The following RPL14 variants were observed in gnomAD, a reference collection of about 807,000 sequenced individuals.
The protein encoded by RPL14 is ribosomal protein L14, also known as large ribosomal subunit protein eL14.
A neutral mutation model predicts 25.3 loss-of-function variants in RPL14; 4 were observed. The ratio of observed to expected loss-of-function variants is 0.16; its 90% CI spans 0.08 to 0.36. The LOEUF is 0.36. Ranked by LOEUF, RPL14 falls within the 10% of genes least tolerant of loss-of-function variation. RPL14 has a pLI of 1.00. For synonymous variants in RPL14, 75 were observed against 89.8 expected, an observed-to-expected ratio of 0.84 and a Z score of 0.93; for missense variants, 212 against 261.9, an observed-to-expected ratio of 0.81 and a Z score of 1.31.
At chr3:40,458,285 G>A in intron 2 of RPL14, 1 of 526,560 alleles carries the variant, frequency 1.9e-6, no homozygotes, top group Non-Finnish European at 3.4e-6. Flanking sequence ...CACGTAGAAA[G>A]CACTTTTGTA....
rs540609712 is a variant in RPL14 at position 40,463,891 on chromosome 3, C to G, written c.*1659C>G. The G allele has an allele frequency of 1.3e-5, 2 of 153,336 alleles. No homozygotes were observed. The highest frequency in any genetic ancestry group is 1.3e-4 in the Admixed American group (2 of 15,470). 9.5% of individuals were successfully genotyped at this position (153,336 alleles called of 1,614,324 possible). On this transcript the variant is annotated 3_prime_UTR_variant, in exon 6 of 6. Transcript: ENST00000396203. ...AGGTTGGACTTCTGTTTCTCTCTACCACAAGATACAGGTAATTTGGGGCAG... is the reference window on the plus strand; with the variant it reads ...AGGTTGGACTTCTGTTTCTCTCTACGACAAGATACAGGTAATTTGGGGCAG...
chr3:40,460,949 C>G (rs2125625542), intron 3 of RPL14, among the ~76,000 whole-genome samples: 1 of 152,178 alleles, frequency 6.6e-6, no homozygotes, highest in African/African-American at 2.4e-5. Flanking sequence ...GTAATCCCAG[C>G]ACTTCAGGAG....
At chr3:40,460,669 A>G (rs1259545046) in intron 3 of RPL14, among the ~76,000 whole-genome samples, 1 of 150,808 alleles carries the variant, frequency 6.6e-6, no homozygotes, top group Non-Finnish European at 1.5e-5. Flanking sequence ...GCTAGAGTGC[A>G]GTGACGCAAT....
intron 5 of RPL14, 30 bp downstream of exon 5, chr3:40,461,691 ACTTAG>A: frequency 6.4e-7 from 1 of 1,570,678 alleles, no homozygotes; most frequent in Non-Finnish European, 8.6e-7. Flanking sequence ...TTTTTGTGTA[ACTTAG>A]CTTTAAATAA....
At chr3:40,461,208 G>T (rs762478188) in intron 3 of RPL14, among the ~76,000 whole-genome samples, 199 bp from the exon 4 acceptor site, 9 of 151,948 alleles carry the variant, frequency 5.9e-5, no homozygotes, top group Non-Finnish European at 8.8e-5. Flanking sequence ...AAAAAAAAGG[G>T]ACTGGATTAC....
intron 1 of RPL14, 82 bp from the exon 2 acceptor site, chr3:40,457,808 A>C: frequency 1.5e-6 from 2 of 1,308,138 alleles, no homozygotes; most frequent in Non-Finnish European, 2.2e-6. Flanking sequence ...GAATTTAACC[A>C]TGTTGTCTTT....
At chr3:40,459,725 G>A (rs977675539) in intron 3 of RPL14, among the ~76,000 whole-genome samples, 3 of 152,210 alleles carry the variant, frequency 2.0e-5, no homozygotes, top group African/African-American at 4.8e-5. Context: ...CGGGCATGGT[G>A]GCGGACACCT....
rs1474601929 is a variant in RPL14 at position 40,462,499 on chromosome 3, C to T, written c.*267C>T. 2.0e-5 allele frequency: 6 copies of T among 307,356 alleles called. No homozygotes were observed. The highest frequency in any genetic ancestry group is 3.5e-5 in the Non-Finnish European group (6 of 169,688). 19.0% of individuals were successfully genotyped at this position (307,356 alleles called of 1,614,324 possible). On this transcript the variant is annotated 3_prime_UTR_variant, in exon 6 of 6. Transcript: ENST00000396203. Reference sequence around the variant, plus strand: ...TCATGCCATTCTCCTGCCTCAGCCTCCTGAGCAGCTGGGACTACAGGTGCC... The same window carrying T: ...TCATGCCATTCTCCTGCCTCAGCCTTCTGAGCAGCTGGGACTACAGGTGCC...
In RPL14 at chr3:40,458,633, G is replaced by C; in HGVS notation, c.106-9G>C. ...TTTTGCACTGAAGTTCTTGATGTTT[G>C]TGTTCTAGGCTTTGGTCGATGGACC... On this transcript the variant is annotated splice_polypyrimidine_tract_variant and intron_variant, in intron 2 of 5. Coordinates refer to ENST00000396203, the MANE Select transcript of RPL14 (RefSeq NM_001034996.3). The C allele has an allele frequency of 1.2e-6, 2 of 1,612,730 alleles. No individual in the cohort carries two copies. The highest frequency in any genetic ancestry group is 1.7e-6 in the Non-Finnish European group (2 of 1,178,816).
At chr3:40,460,756 G>GT (rs1437083982) in intron 3 of RPL14, among the ~76,000 whole-genome samples, 1 of 151,886 alleles carries the variant, frequency 6.6e-6, no homozygotes. Flanking sequence ...TAATTTTTGT[G>GT]TTTTTAGTAG....
At chr3:40,461,911 A>T in intron 5 of RPL14, 28 bp from the exon 6 acceptor site, 1 of 1,577,134 alleles carries the variant, frequency 6.3e-7, no homozygotes, top group Non-Finnish European at 8.6e-7. Context: ...ATACACAATA[A>T]GTGCTTTCTT....
chr3:40,464,127 C>T lies in RPL14; in HGVS notation c.*1895C>T, dbSNP rs939092748. On this transcript the variant is annotated 3_prime_UTR_variant, in exon 6 of 6. Transcript: ENST00000396203. ...GGTTAAATGCGTGTACCACCATGCC[C>T]CTCTAATATTGTATTAGAGATGGGG... The T allele has an allele frequency of 7.6e-6, 2 of 263,846 alleles. No individual in the cohort carries two copies. The highest frequency in any genetic ancestry group is 4.4e-5 in the South Asian group (1 of 22,920). The allele number at this position is 263,846 out of a possible 1,614,324, so 16.3% of individuals were successfully genotyped here. A position where few individuals can be genotyped will look rare whatever the true frequency, so the allele number is the denominator to read the frequency against.
intron 3 of RPL14, among the ~76,000 whole-genome samples, chr3:40,459,951 T>C (rs1377275266): frequency 9.9e-5 from 15 of 151,130 alleles, no homozygotes; most frequent in Non-Finnish European, 7.4e-5. Context: ...GAAGTACTGG[T>C]AGTTGAAAAC....
At chr3:40,461,351 T>C in intron 3 of RPL14, 56 bp from the exon 4 acceptor site, 1 of 1,418,848 alleles carries the variant, frequency 7.0e-7, no homozygotes, top group Non-Finnish European at 1.0e-6. Flanking sequence ...AAAGTGTCTT[T>C]GATAATGAGT....
At position 40,468,209 on chromosome 3, in the gene RPL14, T is replaced by G. The variant is rs1347943590; in HGVS notation, c.*5977T>G. 6.6e-6 allele frequency: 1 copy of G among 152,182 alleles called. No individual in the cohort carries two copies. The highest frequency in any genetic ancestry group is 1.9e-4 in the East Asian group (1 of 5,186). The allele number at this position is 152,182 out of a possible 1,614,324, so 9.4% of individuals were successfully genotyped here. ...ACACCTCCTTCTGTACACAATGATGTTTATCTGATGCACATTGCCAATCAG... is the reference window on the plus strand; with the variant it reads ...ACACCTCCTTCTGTACACAATGATGGTTATCTGATGCACATTGCCAATCAG... On this transcript the variant is annotated 3_prime_UTR_variant, in exon 6 of 6. Coordinates refer to ENST00000396203, the MANE Select transcript of RPL14 (RefSeq NM_001034996.3).
rs550715768 is a variant in RPL14 at position 40,458,722 on chromosome 3, C to A, written c.186C>A (p.Leu62=). The change falls in exon 3 of 6, where the codon CTC becomes CTA. Residue 62 remains leucine (L), a synonymous_variant. Transcript: ENST00000396203. ...FKCMQLTDFI[L]KFPHSAHQKY... ...GCATGCAGCTCACTGATTTCATCCT[C>A]AAGTTTCCGCACAGGTAACTGTCCA... 1.9e-6 allele frequency: 3 copies of A among 1,613,984 alleles called. No individual in the cohort carries two copies. In the South Asian group the frequency reaches 3.3e-5, roughly 18 times the overall value.
intron 3 of RPL14, 67 bp from the exon 4 acceptor site, chr3:40,461,340 G>A: frequency 7.6e-7 from 1 of 1,319,056 alleles, no homozygotes. Context: ...AAGGAACAAA[G>A]AAAGTGTCTT....
Position 40,462,317 on chromosome 3 carries a change from T to TA in RPL14, c.*85_*86insA. ...CTTTGGATTTAAAGCCTGTTGAGGC[T>TA]GGAGTTAGGAGGCAGATTGATAGTA... is the stretch of plus-strand genomic sequence containing the variant. On this transcript the variant is annotated 3_prime_UTR_variant, in exon 6 of 6. Transcript: ENST00000396203. 7.5e-7 allele frequency: 1 copy of TA among 1,333,226 alleles called. No individual in the cohort carries two copies. Among genetic ancestry groups the TA allele is most frequent in the South Asian group, 1.5e-5 (1 of 65,588 alleles). The allele number at this position is 1,333,226 out of a possible 1,614,324, so 82.6% of individuals were successfully genotyped here.
Position 40,457,875 on chromosome 3 carries a change from C to T in RPL14, c.4-15C>T, listed in dbSNP as rs764869565. 3.1e-6 allele frequency: 5 copies of T among 1,611,448 alleles called. No individual in the cohort carries two copies. Among genetic ancestry groups the T allele is most frequent in the Middle Eastern group, 3.3e-4 (2 of 6,058 alleles). On this transcript the variant is annotated splice_polypyrimidine_tract_variant and intron_variant, in intron 1 of 5. Transcript: ENST00000396203. ...TTCTAAGTAAGTTTCACTGTCCTTT[C>T]TCCTCCAATTTTAGGTGTTCAGGCG...
Sources: gnomAD v4.1 joint callset for allele counts (sites outside exome capture counted in the v4.1 genomes callset) on GRCh38, gnomAD v4.1.1 for gene constraint, MANE v1.5 for transcripts, NCBI Gene and HGNC (gene_info 2026-07-23, HGNC 2026-07-21) for gene names.